MACROD2: variants seen among roughly 807,000 people sequenced by gnomAD.
MACROD2 encodes the protein ADP-ribose glycohydrolase MACROD2.
MACROD2 carries 36 observed loss-of-function variants against 70.4 expected under a neutral mutation model. That is an observed-to-expected ratio of 0.51 (90% confidence interval 0.39 to 0.68). The LOEUF (loss-of-function observed/expected upper bound fraction) is 0.68. MACROD2 is among the 30% of genes least tolerant of loss of function. The pLI, the probability that MACROD2 is intolerant of heterozygous loss-of-function variation, is 0.00. For missense variants in MACROD2, 496 were observed against 538.4 expected (o/e 0.92, Z 0.78); for synonymous variants, 172 against 178.8 (o/e 0.96, Z 0.30).
At chr20:14,542,055 A>C (rs528666103) in intron 4 of MACROD2, among the ~76,000 whole-genome samples, 3 of 152,344 alleles carry the variant, frequency 2.0e-5, no homozygotes, top group Non-Finnish European at 4.4e-5. Context: ...ATTGCACATA[A>C]ATATCTGGAT....
intron 13 of MACROD2, among the ~76,000 whole-genome samples, chr20:15,984,927 G>C (rs1475527930): frequency 2.6e-5 from 4 of 152,214 alleles, no homozygotes; most frequent in South Asian, 2.1e-4. Flanking sequence ...CTGCTGTTGG[G>C]GGGAAGGGGG....
At chr20:15,567,675 T>C (rs570829002) in intron 8 of MACROD2, among the ~76,000 whole-genome samples, 3 of 152,324 alleles carry the variant, frequency 2.0e-5, no homozygotes, top group African/African-American at 7.2e-5. Context: ...ATTGGAGGAT[T>C]ATATCTTAGA....
intron 4 of MACROD2, among the ~76,000 whole-genome samples, chr20:14,550,407 T>C (rs2423813): frequency 0.7 from 106,193 of 151,916 alleles, 38,063 homozygotes; most frequent in East Asian, 0.93. Flanking sequence ...TAATACCCTA[T>C]GTGATTGTAT....
chr20:14,151,967 G>A (rs984732771), intron 3 of MACROD2, among the ~76,000 whole-genome samples: 3 of 151,672 alleles, frequency 2.0e-5, no homozygotes, highest in South Asian at 2.1e-4. Flanking sequence ...GATTACAGGC[G>A]CCTGCCACCA....
chr20:15,957,300 A>G (rs2065991195), intron 12 of MACROD2, among the ~76,000 whole-genome samples: 1 of 152,216 alleles, frequency 6.6e-6, no homozygotes, highest in Non-Finnish European at 1.5e-5. Context: ...TTCAACATAC[A>G]GTTAAGAATT....
At chr20:14,295,358 G>A (rs1568542272) in intron 3 of MACROD2, among the ~76,000 whole-genome samples, 1 of 151,914 alleles carries the variant, frequency 6.6e-6, no homozygotes, top group Non-Finnish European at 1.5e-5. Context: ...AGGCAATGTA[G>A]GACTGTGAGA....
intron 8 of MACROD2, among the ~76,000 whole-genome samples, chr20:15,643,419 A>G (rs967895243): frequency 3.9e-5 from 6 of 152,228 alleles, no homozygotes; most frequent in South Asian, 2.1e-4. Context: ...TTTGACCACT[A>G]TAATGTCCTC....
At chr20:15,408,450 C>G (rs1018737367) in intron 6 of MACROD2, among the ~76,000 whole-genome samples, 5 of 152,274 alleles carry the variant, frequency 3.3e-5, no homozygotes, top group Admixed American at 6.5e-5. Flanking sequence ...TATACCAGCC[C>G]TTTGCTTTTT....
intron 8 of MACROD2, among the ~76,000 whole-genome samples, chr20:15,795,449 G>A (rs1406556423): frequency 6.6e-6 from 1 of 151,984 alleles, no homozygotes. Flanking sequence ...GTCACACTCA[G>A]AGCCAAGGGG....
chr20:15,924,181 A>G (rs2065454543), intron 10 of MACROD2, among the ~76,000 whole-genome samples: 1 of 152,258 alleles, frequency 6.6e-6, no homozygotes, highest in Non-Finnish European at 1.5e-5. Flanking sequence ...CACGGAAGAA[A>G]CAAGTATTTT....
At chr20:14,274,246 A>G (rs1039835406) in intron 3 of MACROD2, among the ~76,000 whole-genome samples, 14 of 152,214 alleles carry the variant, frequency 9.2e-5, no homozygotes, top group Non-Finnish European at 2.1e-4. Context: ...AAAATCCTCA[A>G]TAAAATACTG....
chr20:14,957,690 T>A (rs1568897292), intron 5 of MACROD2, among the ~76,000 whole-genome samples: 1 of 152,150 alleles, frequency 6.6e-6, no homozygotes, highest in Non-Finnish European at 1.5e-5. Context: ...GCCAGGGATT[T>A]GCCATGTCTC....
intron 8 of MACROD2, among the ~76,000 whole-genome samples, chr20:15,787,320 T>C (rs927420919): frequency 1.3e-5 from 2 of 152,182 alleles, no homozygotes; most frequent in Non-Finnish European, 2.9e-5. Context: ...TTATTTCAAC[T>C]TGTATTTTAG....
chr20:15,135,244 G>A (rs991998398), intron 5 of MACROD2, among the ~76,000 whole-genome samples: 5 of 150,330 alleles, frequency 3.3e-5, no homozygotes, highest in African/African-American at 9.8e-5. Flanking sequence ...TACCAAAGCC[G>A]GGCAGAGACA....
intron 5 of MACROD2, among the ~76,000 whole-genome samples, chr20:15,009,873 A>G (rs981842389): frequency 6.6e-6 from 1 of 151,684 alleles, no homozygotes; most frequent in Non-Finnish European, 1.5e-5. Flanking sequence ...ATTTCAACAT[A>G]GAAGCAAGTG....
chr20:14,899,569 T>A (rs1392632937), intron 5 of MACROD2, among the ~76,000 whole-genome samples: 2 of 152,126 alleles, frequency 1.3e-5, no homozygotes, highest in African/African-American at 4.8e-5. Flanking sequence ...AAAATCTGCC[T>A]TTTTTAGAAT....
intron 4 of MACROD2, among the ~76,000 whole-genome samples, chr20:14,549,196 G>A (rs1444226174): frequency 6.6e-6 from 1 of 152,092 alleles, no homozygotes; most frequent in Non-Finnish European, 1.5e-5. Context: ...ATTTATTGGT[G>A]GTATCAAGTA....
chr20:14,014,460 C>T (rs901310974), intron 2 of MACROD2, among the ~76,000 whole-genome samples: 3 of 151,956 alleles, frequency 2.0e-5, no homozygotes, highest in Admixed American at 6.6e-5. Context: ...TGAGGATTGC[C>T]GATGAAATAA....
intron 10 of MACROD2, among the ~76,000 whole-genome samples, chr20:15,886,811 C>A (rs984144967): frequency 2.6e-5 from 4 of 152,106 alleles, no homozygotes; most frequent in Non-Finnish European, 5.9e-5. Context: ...GGCAATAATT[C>A]TTACCATATA....
Sources: gnomAD v4.1 joint callset for allele counts (sites outside exome capture counted in the v4.1 genomes callset) on GRCh38, gnomAD v4.1.1 for gene constraint, MANE v1.5 for transcripts, NCBI Gene and HGNC (gene_info 2026-07-23, HGNC 2026-07-21) for gene names.